The following RUFY1 variants were observed in gnomAD, a reference collection of about 807,000 sequenced individuals.
RUFY1 encodes RUN and FYVE domain containing 1, also known as RUN and FYVE domain-containing protein 1.
Under a neutral mutation model 94.6 loss-of-function variants are expected in RUFY1, and 54 were observed. That is an observed-to-expected ratio of 0.57 (90% CI 0.46 to 0.72). The LOEUF (loss-of-function observed/expected upper bound fraction) is 0.72, where lower values mean the gene tolerates loss of function less well. Among genes scored for constraint, RUFY1 ranks in the 30% least tolerant of loss-of-function variants. The pLI is 0.00. For missense variants in RUFY1, 883 were observed against 883.9 expected (o/e 1.00, Z 0.01); for synonymous variants, 396 against 347.3 (o/e 1.14, Z -1.56).
At chr5:179,597,426 G>C (rs1012028120) in intron 13 of RUFY1, among the ~76,000 whole-genome samples, 1 of 152,056 alleles carries the variant, frequency 6.6e-6, no homozygotes, top group Non-Finnish European at 1.5e-5. Flanking sequence ...TAGTAGAGAC[G>C]GGGTTTCACT....
At chr5:179,598,853 TC>T (rs1273936383) in intron 14 of RUFY1, 32 bp downstream of exon 14, 2 of 1,612,634 alleles carry the variant, frequency 1.2e-6, no homozygotes, top group Non-Finnish European at 1.7e-6. Context: ...GAGGAGAGCC[TC>T]TGGCAGCCTC....
intron 16 of RUFY1, 48 bp from the exon 17 acceptor site, chr5:179,607,534 C>G (rs753436220): frequency 1.3e-6 from 2 of 1,545,152 alleles, no homozygotes; most frequent in Non-Finnish European, 1.8e-6. Flanking sequence ...ACCCACTCAT[C>G]AGGGGCTTAG....
At position 179,608,936 on chromosome 5, in the gene RUFY1, A is replaced by G. The variant is rs914055843; in HGVS notation, c.1984-440A>G. Among the ~76,000 whole-genome samples the G allele has an allele frequency of 2.7e-3, 321 of 116,728 alleles. 2 individuals are homozygous for G. Among genetic ancestry groups the G allele is most frequent in the African/African-American group, 9.5e-3 (300 of 31,534 alleles). The allele number at this position is 116,728 out of a possible 152,430, so 76.6% of individuals were successfully genotyped here. On this transcript the variant is annotated intron_variant, in intron 17 of 17. Coordinates refer to ENST00000319449, the MANE Select transcript of RUFY1 (RefSeq NM_025158.5). ...ACAGAGACTCAAAAAAAAAAAAAAA[A>G]GCCGGGCGCGGTGTTTCACGCCTGT...
At chr5:179,562,946 G>A (rs1444806614) in intron 3 of RUFY1, 32 of 271,028 alleles carry the variant, frequency 1.2e-4, no homozygotes, top group South Asian at 6.9e-5. Context: ...GTACACTCCT[G>A]GAATCACTGC....
At chr5:179,592,637 C>T (rs1401210085) in intron 10 of RUFY1, among the ~76,000 whole-genome samples, 1 of 152,208 alleles carries the variant, frequency 6.6e-6, no homozygotes, top group Non-Finnish European at 1.5e-5. Flanking sequence ...AACCTCTGGC[C>T]TATTTATTTC....
In RUFY1 at chr5:179,601,812, T is replaced by C. The variant is rs534318835; in HGVS notation, c.1762-80T>C. On this transcript the variant is annotated intron_variant, in intron 14 of 17. Transcript: ENST00000319449. ...CCAGCCTGGCAACAGAGCAAGACCC[T>C]GTCTCAAAAAAAAAAAAAAAAAAAA... is the stretch of plus-strand genomic sequence containing the variant. 6.6e-4 allele frequency: 625 copies of C among 941,180 alleles called. 10 individuals carry two copies. The South Asian group carries it at 8.7e-3, about 13-fold the overall frequency. The allele number at this position is 941,180 out of a possible 1,614,324, so 58.3% of individuals were successfully genotyped here.
Position 179,569,286 on chromosome 5 carries a change from T to C in RUFY1, c.705-16T>C. ...GCTGTTTCTGAGCATCGCCCTGTCC[T>C]GTCCATCTCTTTCAGCGAGTTCTAT... On this transcript the variant is annotated splice_polypyrimidine_tract_variant and intron_variant, in intron 4 of 17. Coordinates refer to ENST00000319449, the MANE Select transcript of RUFY1 (RefSeq NM_025158.5). 2 of 1,613,804 alleles carry C rather than the reference T, an allele frequency of 1.2e-6. No individual in the cohort carries two copies. Among genetic ancestry groups the C allele is most frequent in the Non-Finnish European group, 1.7e-6 (2 of 1,179,926 alleles).
At chr5:179,608,301 A>G (rs1292046309) in intron 17 of RUFY1, 2 of 985,710 alleles carry the variant, frequency 2.0e-6, no homozygotes, top group South Asian at 4.7e-5. Context: ...TCTGTGGAAG[A>G]GAGGAAGCCA....
At chr5:179,592,496 C>T (rs1765201646) in intron 10 of RUFY1, among the ~76,000 whole-genome samples, 1 of 152,172 alleles carries the variant, frequency 6.6e-6, no homozygotes. Flanking sequence ...TCGTGATCCA[C>T]CTGCCTCGGC....
At chr5:179,573,972 TCC>T (rs1763421570) in intron 5 of RUFY1, among the ~76,000 whole-genome samples, 1 of 152,196 alleles carries the variant, frequency 6.6e-6, no homozygotes, top group South Asian at 2.1e-4. Flanking sequence ...TCTAAAATAA[TCC>T]CTACCTGATC....
intron 8 of RUFY1, chr5:179,589,286 A>G: frequency 2.4e-6 from 1 of 414,994 alleles, no homozygotes; most frequent in Non-Finnish European, 4.4e-6. Context: ...ATTCAGCAAT[A>G]TGCTATCATT....
chr5:179,598,873 C>T, intron 14 of RUFY1, 52 bp downstream of exon 14: 5 of 1,607,194 alleles, frequency 3.1e-6, no homozygotes, highest in Non-Finnish European at 3.4e-6. Flanking sequence ...TCCAGAAACC[C>T]CTAACATGCT....
chr5:179,559,232 C>T (rs1433966073), intron 1 of RUFY1, among the ~76,000 whole-genome samples: 1 of 152,192 alleles, frequency 6.6e-6, no homozygotes, highest in Admixed American at 6.5e-5. Context: ...ATTTGGCCAG[C>T]ACGTATAGAT....
At chr5:179,564,061 C>G (rs1762639388) in intron 3 of RUFY1, among the ~76,000 whole-genome samples, 1 of 151,890 alleles carries the variant, frequency 6.6e-6, no homozygotes, top group Non-Finnish European at 1.5e-5. Context: ...CCCTTCCTGT[C>G]CAGCTCACTC....
In RUFY1 at chr5:179,604,327, G is replaced by A. The variant is rs77792771; in HGVS notation, c.1857-1549G>A. Among the ~76,000 whole-genome samples the A allele has an allele frequency of 4.5e-3, 684 of 152,308 alleles. 23 individuals carry two copies. In the East Asian group the frequency reaches 0.088, roughly 20 times the overall value. On this transcript the variant is annotated intron_variant, in intron 15 of 17. Coordinates refer to ENST00000319449, the MANE Select transcript of RUFY1 (RefSeq NM_025158.5). ...CTTCGCAGGCCCTACATTAGCTACA[G>A]GAACAGTTTCCAGTTTCATTGGCTT...
intron 1 of RUFY1, among the ~76,000 whole-genome samples, chr5:179,552,164 CA>C (rs563730431): frequency 3.1e-4 from 23 of 73,450 alleles, no homozygotes; most frequent in African/African-American, 4.7e-4. Flanking sequence ...GACTCTGTCT[CA>C]AAAAAAAAAA....
At chr5:179,593,223 G>C (rs149482181) in intron 10 of RUFY1, among the ~76,000 whole-genome samples, 1 of 152,080 alleles carries the variant, frequency 6.6e-6, no homozygotes, top group Non-Finnish European at 1.5e-5. Flanking sequence ...GATTACAGGC[G>C]CATGCCACCA....
At chr5:179,589,962 T>C (rs1764913353) in intron 9 of RUFY1, among the ~76,000 whole-genome samples, 1 of 152,162 alleles carries the variant, frequency 6.6e-6, no homozygotes, top group Admixed American at 6.5e-5. Context: ...CATCCTCCTG[T>C]ATTCCCATTG....
At chr5:179,579,881 C>G (rs1288108864) in intron 6 of RUFY1, among the ~76,000 whole-genome samples, 1 of 151,426 alleles carries the variant, frequency 6.6e-6, no homozygotes, top group Non-Finnish European at 1.5e-5. Context: ...GTTGACCAGG[C>G]TGGTCTCAAA....
Sources: gnomAD v4.1 joint callset for allele counts (sites outside exome capture counted in the v4.1 genomes callset) on GRCh38, gnomAD v4.1.1 for gene constraint, MANE v1.5 for transcripts, NCBI Gene and HGNC (gene_info 2026-07-23, HGNC 2026-07-21) for gene names.